The following MORC1 variants were observed in gnomAD, a reference collection of about 807,000 sequenced individuals.
The protein encoded by MORC1 is MORC family CW-type zinc finger 1.
MORC1 carries 59 observed loss-of-function variants against 134.9 expected under a neutral mutation model. The ratio of observed to expected loss-of-function variants is 0.44; its 90% CI spans 0.35 to 0.54. The LOEUF (loss-of-function observed/expected upper bound fraction) is 0.54, where lower values mean the gene tolerates loss of function less well. Among genes scored for constraint, MORC1 ranks in the 20% least tolerant of loss-of-function variants. The probability of loss-of-function intolerance (pLI) is 0.00; values close to 1 mark genes in which losing one functional copy is unlikely to be tolerated. For missense variants in MORC1, 947 were observed against 1,134.5 expected (o/e 0.83, Z 2.37); for synonymous variants, 395 against 391.7 (o/e 1.01, Z -0.10).
intron 6 of MORC1, among the ~76,000 whole-genome samples, chr3:109,095,371 AC>A (rs1312690983): frequency 6.6e-6 from 1 of 152,206 alleles, no homozygotes; most frequent in Non-Finnish European, 1.5e-5. Flanking sequence ...AAAGCAGATG[AC>A]AGCACACGCA....
At chr3:109,093,331 C>T in intron 8 of MORC1, 105 bp downstream of exon 8, 3 of 770,156 alleles carry the variant, frequency 3.9e-6, no homozygotes, top group Non-Finnish European at 6.5e-6. Flanking sequence ...GATGAATTGT[C>T]CCAGTGCTAA....
At chr3:108,973,192 A>G (rs1947440661) in intron 24 of MORC1, among the ~76,000 whole-genome samples, 2 of 152,190 alleles carry the variant, frequency 1.3e-5, no homozygotes, top group African/African-American at 4.8e-5. Flanking sequence ...AACCTCTACT[A>G]AAACACCTTT....
intron 23 of MORC1, among the ~76,000 whole-genome samples, chr3:108,981,094 T>C (rs1050573009): frequency 6.6e-6 from 1 of 151,844 alleles, no homozygotes; most frequent in Non-Finnish European, 1.5e-5. Context: ...TTCAGTACCA[T>C]AGGGGGAAAA....
At chr3:108,992,321 A>T (rs1300619218) in intron 21 of MORC1, among the ~76,000 whole-genome samples, 1 of 152,114 alleles carries the variant, frequency 6.6e-6, no homozygotes. Context: ...TCCTTTCTTA[A>T]AAGTTGTATC....
chr3:108,962,091 A>G (rs1449280570), intron 27 of MORC1, among the ~76,000 whole-genome samples: 2 of 152,198 alleles, frequency 1.3e-5, no homozygotes, highest in Non-Finnish European at 2.9e-5. Context: ...CTACTCTCAT[A>G]GCAATAAATA....
intron 4 of MORC1, among the ~76,000 whole-genome samples, chr3:109,102,984 A>G (rs1950958376): frequency 6.6e-6 from 1 of 152,188 alleles, no homozygotes; most frequent in Non-Finnish European, 1.5e-5. Flanking sequence ...CTCTTCAACT[A>G]TTCAGACCAA....
At chr3:108,997,009 CAAAAAAAAA>C (rs36087713) in intron 21 of MORC1, among the ~76,000 whole-genome samples, 5 of 31,542 alleles carry the variant, frequency 1.6e-4, no homozygotes, top group African/African-American at 6.0e-4. Context: ...GACTCTGTCT[CAAAAAAAAA>C]AAAAAAAAAA....
chr3:109,054,072 AG>A (rs370332582), intron 14 of MORC1, among the ~76,000 whole-genome samples: 92 of 152,222 alleles, frequency 6.0e-4, no homozygotes, highest in African/African-American at 2.2e-3. Flanking sequence ...TCACGAGGTC[AG>A]GAGTTCAAGA....
intron 8 of MORC1, among the ~76,000 whole-genome samples, chr3:109,088,908 T>C (rs577329437): frequency 6.6e-6 from 1 of 152,270 alleles, no homozygotes; most frequent in East Asian, 1.9e-4. Flanking sequence ...ATCATGTCTT[T>C]TGCAGGAATA....
At chr3:109,036,038 A>T (rs1949371404) in intron 14 of MORC1, among the ~76,000 whole-genome samples, 3 of 151,420 alleles carry the variant, frequency 2.0e-5, no homozygotes, top group Admixed American at 1.3e-4. Flanking sequence ...TTTTGTTCTT[A>T]TTCTTTGATC....
intron 17 of MORC1, among the ~76,000 whole-genome samples, chr3:109,008,327 C>T (rs1948597904): frequency 6.6e-6 from 1 of 152,202 alleles, no homozygotes; most frequent in East Asian, 1.9e-4. Context: ...TGGATAGACA[C>T]TGCTAAATTT....
chr3:109,069,801 A>C, intron 8 of MORC1, 44 bp from the exon 9 acceptor site: 4 of 1,547,416 alleles, frequency 2.6e-6, no homozygotes, highest in Non-Finnish European at 3.5e-6. Context: ...AGGACACAAC[A>C]ACTACATCTC....
chr3:109,082,038 C>T (rs893768066), intron 8 of MORC1, among the ~76,000 whole-genome samples: 6 of 152,018 alleles, frequency 3.9e-5, no homozygotes, highest in African/African-American at 1.2e-4. Flanking sequence ...AATCAAGTGG[C>T]CGTTCAGCAG....
chr3:109,068,296 G>A (rs1950244400), intron 9 of MORC1, among the ~76,000 whole-genome samples: 1 of 152,064 alleles, frequency 6.6e-6, no homozygotes, highest in African/African-American at 2.4e-5. Flanking sequence ...TGAGATCCTG[G>A]TGCATCTATC....
chr3:109,070,789 A>T (rs1950300167), intron 8 of MORC1, among the ~76,000 whole-genome samples: 1 of 152,218 alleles, frequency 6.6e-6, no homozygotes, highest in South Asian at 2.1e-4. Context: ...AATGAAGATG[A>T]AGCCATAAGA....
At chr3:108,992,848 A>C (rs939193715) in intron 21 of MORC1, among the ~76,000 whole-genome samples, 2 of 152,112 alleles carry the variant, frequency 1.3e-5, no homozygotes, top group Admixed American at 1.3e-4. Context: ...TCCACAAAGA[A>C]ATTTTACTTT....
intron 8 of MORC1, among the ~76,000 whole-genome samples, chr3:109,089,773 C>T (rs967521687): frequency 3.3e-5 from 5 of 152,160 alleles, no homozygotes; most frequent in African/African-American, 1.2e-4. Context: ...CATTAGCCCA[C>T]TTTCATTTTC....
At chr3:109,060,656 T>C (rs2107682617) in intron 11 of MORC1, among the ~76,000 whole-genome samples, 1 of 152,154 alleles carries the variant, frequency 6.6e-6, no homozygotes, top group East Asian at 1.9e-4. Flanking sequence ...AAAATTCATC[T>C]TCCCATAAGA....
chr3:109,106,521 C>G (rs564762595), intron 3 of MORC1, among the ~76,000 whole-genome samples: 1 of 152,136 alleles, frequency 6.6e-6, no homozygotes, highest in African/African-American at 2.4e-5. Flanking sequence ...GTTAATTACG[C>G]GTGTCCAAAA....
Sources: allele counts gnomAD v4.1 joint callset (sites outside exome capture counted in the v4.1 genomes callset), GRCh38; gene constraint gnomAD v4.1.1; transcripts MANE v1.5; gene names NCBI Gene and HGNC (gene_info 2026-07-23, HGNC 2026-07-21).